PLCL1: variants seen among roughly 807,000 people sequenced by gnomAD.
The protein encoded by PLCL1 is inactive phospholipase C-like protein 1.
A neutral mutation model predicts 84.4 loss-of-function variants in PLCL1; 41 were observed. The ratio of observed to expected loss-of-function variants is 0.49; its 90% confidence interval spans 0.38 to 0.63. The LOEUF (loss-of-function observed/expected upper bound fraction) is 0.63. Among genes scored for constraint, PLCL1 ranks in the 30% least tolerant of loss-of-function variants. The pLI, the probability that PLCL1 is intolerant of heterozygous loss-of-function variation, is 0.00. For missense variants in PLCL1, 1,206 were observed against 1,367.8 expected (o/e 0.88, Z 1.87); for synonymous variants, 490 against 488.3 (o/e 1.00, Z -0.05).
chr2:198,112,010 T>C (rs1574320811), intron 5 of PLCL1, among the ~76,000 whole-genome samples: 2 of 151,902 alleles, frequency 1.3e-5, no homozygotes, highest in African/African-American at 2.4e-5. Context: ...AGAGTGTATC[T>C]TGAGAATAAT....
intron 1 of PLCL1, among the ~76,000 whole-genome samples, chr2:198,037,027 G>A (rs775967635): frequency 6.6e-6 from 1 of 152,140 alleles, no homozygotes; most frequent in Non-Finnish European, 1.5e-5. Flanking sequence ...TTGTCTCTGG[G>A]GGAGAGGCTC....
intron 1 of PLCL1, among the ~76,000 whole-genome samples, chr2:197,949,609 T>C (rs1574964409): frequency 2.0e-5 from 3 of 152,088 alleles, no homozygotes; most frequent in Admixed American, 6.6e-5. Flanking sequence ...AATGGCTAGG[T>C]TGATACCCTT....
intron 1 of PLCL1, among the ~76,000 whole-genome samples, chr2:198,055,135 T>C (rs1448245812): frequency 6.6e-6 from 1 of 152,058 alleles, no homozygotes; most frequent in Admixed American, 6.5e-5. Flanking sequence ...GTTGTACAGG[T>C]CGAAGGTTCT....
In PLCL1 at chr2:198,085,395, G is replaced by A; in HGVS notation, c.1878G>A (p.Glu626=). 1.2e-6 allele frequency: 2 copies of A among 1,611,628 alleles called. No individual in the cohort carries two copies. The highest frequency in any genetic ancestry group is 1.1e-5 in the South Asian group (1 of 90,962). ...SETEASRIAN[E]YPEDFVNYNK... ...CAGAGGCCAGCCGCATTGCAAATGAGTACCCAGAGGATTTTGTTAATTATA... is the reference window on the plus strand; with the variant it reads ...CAGAGGCCAGCCGCATTGCAAATGAATACCCAGAGGATTTTGTTAATTATA... Residue 626 remains glutamate, a synonymous_variant, in exon 2 of 6, where the codon GAG becomes GAA. Transcript: ENST00000428675. The surrounding 1 kb of genome is among the most constrained non-coding windows in gnomAD (Gnocchi z 5.3).
At chr2:197,840,154 G>A (rs1686966637) in intron 1 of PLCL1, among the ~76,000 whole-genome samples, 1 of 152,056 alleles carries the variant, frequency 6.6e-6, no homozygotes, top group Non-Finnish European at 1.5e-5. Flanking sequence ...TAGAGGGAAA[G>A]GGAAATTTCC....
chr2:198,130,333 T>C (rs1694090198), intron 5 of PLCL1, among the ~76,000 whole-genome samples: 1 of 152,170 alleles, frequency 6.6e-6, no homozygotes, highest in Non-Finnish European at 1.5e-5. Flanking sequence ...TGCTATTCTG[T>C]TAAATGCTGG....
intron 3 of PLCL1, among the ~76,000 whole-genome samples, chr2:198,100,009 G>A (rs56091409): frequency 1.3e-5 from 2 of 152,094 alleles, no homozygotes; most frequent in Non-Finnish European, 2.9e-5. Flanking sequence ...GGAAAAATAA[G>A]AGTGGAGAAA....
At chr2:198,053,998 C>T (rs1438297856) in intron 1 of PLCL1, among the ~76,000 whole-genome samples, 1 of 152,072 alleles carries the variant, frequency 6.6e-6, no homozygotes, top group Non-Finnish European at 1.5e-5. Context: ...TAAAAATGTT[C>T]AGAGGAAAGA....
At chr2:197,848,428 G>A (rs1687161500) in intron 1 of PLCL1, among the ~76,000 whole-genome samples, 3 of 152,146 alleles carry the variant, frequency 2.0e-5, no homozygotes, top group Non-Finnish European at 4.4e-5. Flanking sequence ...AATAAAGATA[G>A]CTTTTTCATA....
chr2:197,841,679 G>T (rs551305372), intron 1 of PLCL1, among the ~76,000 whole-genome samples: 4 of 152,214 alleles, frequency 2.6e-5, no homozygotes, highest in Non-Finnish European at 5.9e-5. Flanking sequence ...ATAAACATTT[G>T]TGTGTAGGCT....
chr2:197,865,925 A>G (rs1019213099), intron 1 of PLCL1, among the ~76,000 whole-genome samples: 11 of 147,588 alleles, frequency 7.5e-5, no homozygotes, highest in Non-Finnish European at 1.0e-4. Flanking sequence ...AGGCGGGAGC[A>G]TAGCTTGAGA....
At position 198,095,824 on chromosome 2, in the gene PLCL1, T is replaced by C. The variant is rs370472590; in HGVS notation, c.2920-5461T>C. On this transcript the variant is annotated intron_variant, in intron 3 of 5. Coordinates refer to ENST00000428675, the MANE Select transcript of PLCL1 (RefSeq NM_006226.4). Reference sequence around the variant, plus strand: ...TGTAGACTTAGCTCCAGCCCTAATGTTTTACTCTAGTCACATTTCTACGTT... The same window carrying C: ...TGTAGACTTAGCTCCAGCCCTAATGCTTTACTCTAGTCACATTTCTACGTT... 9.2e-5 allele frequency among the ~76,000 whole-genome samples: 14 copies of C among 152,348 alleles called. No individual in the cohort carries two copies. In the East Asian group the frequency reaches 1.2e-3, roughly 13 times the overall value.
At chr2:198,019,270 A>G (rs1053620960) in intron 1 of PLCL1, among the ~76,000 whole-genome samples, 1 of 152,226 alleles carries the variant, frequency 6.6e-6, no homozygotes, top group African/African-American at 2.4e-5. Context: ...ATCCATGAAG[A>G]TGAGGAAAAT....
chr2:198,117,336 TTC>T (rs1344897631), intron 5 of PLCL1, among the ~76,000 whole-genome samples: 1 of 52,812 alleles, frequency 1.9e-5, no homozygotes, highest in Non-Finnish European at 5.9e-5. Context: ...TGTTTTTTTT[TTC>T]TTTTTTTTTT....
intron 1 of PLCL1, among the ~76,000 whole-genome samples, chr2:197,807,915 T>A (rs1450361548): frequency 6.6e-6 from 1 of 152,220 alleles, no homozygotes; most frequent in Non-Finnish European, 1.5e-5. Flanking sequence ...CAGACTGTCT[T>A]GTATATTAAT....
chr2:197,805,338 A>C lies in PLCL1; in HGVS notation c.239A>C (p.Lys80Thr), dbSNP rs1052350934. The change falls in exon 1 of 6, where the codon AAG becomes ACG. Residue 80 changes from lysine to threonine, a missense_variant and splice_region_variant. By Grantham distance (78) the Lys-to-Thr change is moderately conservative (BLOSUM62 -1). Transcript: ENST00000428675. The surrounding 1 kb of genome is among the most constrained non-coding windows in gnomAD (Gnocchi z 4.0). ...RATPRRSSII[K>T]DPSNQKCGGR... ...ACCCCCCGGCGCAGCAGCATCATCA[A>C]GGTAAGCAAAGCCGCGCCGCACCGG... is the stretch of plus-strand genomic sequence containing the variant. 1 of 1,331,256 alleles carries C rather than the reference A, an allele frequency of 7.5e-7. No homozygotes were observed. Among genetic ancestry groups the C allele is most frequent in the Admixed American group, 3.9e-5 (1 of 25,676 alleles). 82.5% of individuals were successfully genotyped at this position (1,331,256 alleles called of 1,614,324 possible). A position where few individuals can be genotyped will look rare whatever the true frequency, so the allele number is the denominator to read the frequency against.
chr2:198,097,890 A>T (rs1184280736), intron 3 of PLCL1, among the ~76,000 whole-genome samples: 1 of 152,202 alleles, frequency 6.6e-6, no homozygotes, highest in Non-Finnish European at 1.5e-5. Context: ...AGTTGACCAC[A>T]CTGACAGGCT....
chr2:197,900,052 C>A lies in PLCL1; in HGVS notation c.240+94713C>A, dbSNP rs139199710. Among the ~76,000 whole-genome samples, 88 of 152,320 alleles carry A rather than the reference C, an allele frequency of 5.8e-4. 4 individuals carry two copies. The South Asian group carries it at 0.014, about 24-fold the overall frequency. ...TACTTTCCTCACAGCACTTTCTAGT[C>A]CCATACCTGCCTCACTTTTCTTTAT... On this transcript the variant is annotated intron_variant, in intron 1 of 5. Transcript: ENST00000428675.
chr2:198,035,196 T>C (rs958355778), intron 1 of PLCL1, among the ~76,000 whole-genome samples: 1 of 152,214 alleles, frequency 6.6e-6, no homozygotes, highest in Non-Finnish European at 1.5e-5. Context: ...GAATTATAGA[T>C]ATGAAAAGGT....
Sources: allele counts gnomAD v4.1 joint callset (sites outside exome capture counted in the v4.1 genomes callset), GRCh38; gene constraint gnomAD v4.1.1; non-coding constraint Gnocchi (gnomAD v3.1); transcripts MANE v1.5; gene names NCBI Gene and HGNC (gene_info 2026-07-23, HGNC 2026-07-21).